Variants in MRPS27 observed in about 807,000 individuals in gnomAD.
MRPS27 encodes the protein small ribosomal subunit protein mS27.
A neutral mutation model predicts 48.9 loss-of-function variants in MRPS27; 43 were observed. The observed-to-expected ratio is 0.88, with a 90% CI of 0.69 to 1.13. The LOEUF is 1.13. MRPS27 is among the 50% of genes most tolerant of loss of function. MRPS27 has a pLI of 0.00. For synonymous variants in MRPS27, 188 were observed against 171.9 expected, an observed-to-expected ratio of 1.09 and a Z score of -0.73; for missense variants, 467 against 476.3, an observed-to-expected ratio of 0.98 and a Z score of 0.18.
At chr5:72,221,768 C>T (rs553912602) in intron 10 of MRPS27, among the ~76,000 whole-genome samples, 2 of 152,320 alleles carry the variant, frequency 1.3e-5, no homozygotes, top group East Asian at 1.9e-4. Flanking sequence ...CCGTTAGAAG[C>T]GTCTGCCTGC....
chr5:72,299,592 G>A (rs753384103), intron 2 of MRPS27, among the ~76,000 whole-genome samples: 31 of 152,210 alleles, frequency 2.0e-4, no homozygotes, highest in Non-Finnish European at 5.9e-5. Flanking sequence ...TACCTACCCT[G>A]AACAAATCAG....
At chr5:72,222,748 A>G (rs1462545674) in intron 10 of MRPS27, among the ~76,000 whole-genome samples, 1 of 152,182 alleles carries the variant, frequency 6.6e-6, no homozygotes, top group Admixed American at 6.5e-5. Flanking sequence ...TACCTTGGGA[A>G]TATCGATTAA....
At chr5:72,309,944 C>T (rs1456747429) in intron 2 of MRPS27, among the ~76,000 whole-genome samples, 1 of 152,112 alleles carries the variant, frequency 6.6e-6, no homozygotes, top group Non-Finnish European at 1.5e-5. Context: ...ACTTAATGGA[C>T]AGAAAACAGG....
intron 2 of MRPS27, among the ~76,000 whole-genome samples, chr5:72,313,115 C>T (rs1429194556): frequency 6.6e-6 from 1 of 152,188 alleles, no homozygotes; most frequent in Admixed American, 6.5e-5. Flanking sequence ...AGCTCTGCTT[C>T]AGCTGGCCTG....
intron 9 of MRPS27, 30 bp from the exon 10 acceptor site, chr5:72,223,880 A>G (rs753254378): frequency 1.2e-6 from 2 of 1,606,704 alleles, no homozygotes; most frequent in Non-Finnish European, 1.7e-6. Flanking sequence ...TCAGCAACCA[A>G]ATGTTTTATG....
chr5:72,308,512 G>C (rs1247876094), intron 2 of MRPS27, among the ~76,000 whole-genome samples: 1 of 152,172 alleles, frequency 6.6e-6, no homozygotes, highest in African/African-American at 2.4e-5. Context: ...CCCTGCGCGC[G>C]CACGCTACCC....
intron 4 of MRPS27, among the ~76,000 whole-genome samples, chr5:72,280,165 TTA>T (rs2112032119): frequency 6.6e-6 from 1 of 152,310 alleles, no homozygotes; most frequent in South Asian, 2.1e-4. Flanking sequence ...ACCAATCATT[TTA>T]TGTTAGTCTT....
At chr5:72,284,348 T>G (rs1749612000) in intron 4 of MRPS27, among the ~76,000 whole-genome samples, 1 of 149,038 alleles carries the variant, frequency 6.7e-6, no homozygotes, top group Non-Finnish European at 1.5e-5. Context: ...TGCCTGAGCC[T>G]GGGAAGTTGA....
At position 72,320,195 on chromosome 5, in the gene MRPS27, C is replaced by T. The variant is rs1397961281; in HGVS notation, c.27G>A (p.Gly9=). Residue 9 remains glycine (G), a synonymous_variant, in exon 1 of 11, where the codon GGG becomes GGA. Transcript: ENST00000261413. ...GAACCACTTGCCGCGCCAGGAGCATCCCGCGCCGCACTATGGAGGCAGCCA... is the reference window on the plus strand; with the variant it reads ...GAACCACTTGCCGCGCCAGGAGCATTCCGCGCCGCACTATGGAGGCAGCCA... MAASIVRR[G]MLLARQVVLP... is the part of the protein sequence containing the mutation. The T allele has an allele frequency of 5.6e-6, 9 of 1,613,822 alleles. No individual in the cohort carries two copies. The Middle Eastern group carries it at 4.9e-4, about 88-fold the overall frequency.
At chr5:72,281,585 T>C (rs1314021338) in intron 4 of MRPS27, among the ~76,000 whole-genome samples, 1 of 152,164 alleles carries the variant, frequency 6.6e-6, no homozygotes, top group Non-Finnish European at 1.5e-5. Flanking sequence ...GGGACAGGCC[T>C]TAAAACACAG....
At chr5:72,231,300 C>T (rs1748058877) in intron 7 of MRPS27, among the ~76,000 whole-genome samples, 1 of 152,086 alleles carries the variant, frequency 6.6e-6, no homozygotes, top group Admixed American at 6.6e-5. Flanking sequence ...ACTGTTCTTC[C>T]CCTCCTTAGC....
intron 2 of MRPS27, among the ~76,000 whole-genome samples, chr5:72,311,676 C>T (rs1175351950): frequency 6.6e-6 from 1 of 152,204 alleles, no homozygotes; most frequent in Non-Finnish European, 1.5e-5. Context: ...AGCAGGAAGG[C>T]TCTCACCAGA....
rs370366663 is a variant in MRPS27 at position 72,223,568 on chromosome 5, C to T, written c.1005+115G>A. ...GCAATAAAAATGTAATTTTTGATGTCAGTTTTTAATGCCTCTTTGTGTGAC... is the reference window on the plus strand; with the variant it reads ...GCAATAAAAATGTAATTTTTGATGTTAGTTTTTAATGCCTCTTTGTGTGAC... On this transcript the variant is annotated intron_variant, in intron 10 of 10. Transcript: ENST00000261413. 5.1e-4 allele frequency: 651 copies of T among 1,273,192 alleles called. 5 individuals are homozygous for T. In the African/African-American group the frequency reaches 8.6e-3, roughly 17 times the overall value. The allele number at this position is 1,273,192 out of a possible 1,614,324, so 78.9% of individuals were successfully genotyped here.
At chr5:72,260,019 T>A (rs1234617121) in intron 4 of MRPS27, among the ~76,000 whole-genome samples, 2 of 152,222 alleles carry the variant, frequency 1.3e-5, no homozygotes, top group African/African-American at 2.4e-5. Flanking sequence ...TCCTGCTTTT[T>A]CTATTGCAAT....
intron 4 of MRPS27, among the ~76,000 whole-genome samples, chr5:72,285,338 G>A (rs1457675816): frequency 6.6e-6 from 1 of 152,066 alleles, no homozygotes; most frequent in Non-Finnish European, 1.5e-5. Context: ...TTTTATAAAT[G>A]TTTGCTGATA....
intron 4 of MRPS27, chr5:72,241,569 C>T: frequency 7.2e-7 from 1 of 1,383,480 alleles, no homozygotes; most frequent in South Asian, 1.2e-5. Flanking sequence ...TTAAGCAGTT[C>T]AGACAAATAA....
chr5:72,257,953 A>G (rs915953131), intron 4 of MRPS27, among the ~76,000 whole-genome samples: 3 of 151,914 alleles, frequency 2.0e-5, no homozygotes, highest in Admixed American at 1.3e-4. Flanking sequence ...GTGTGGTGGC[A>G]GGCGCCTGTG....
At chr5:72,297,844 GA>G (rs1750021148) in intron 2 of MRPS27, 142 bp from the exon 3 acceptor site, 3 of 425,430 alleles carry the variant, frequency 7.1e-6, no homozygotes, top group Admixed American at 8.5e-5. Context: ...AATTAAAGAG[GA>G]AAAAAGAATA....
chr5:72,242,236 A>G (rs1355079430), intron 4 of MRPS27, among the ~76,000 whole-genome samples: 1 of 152,260 alleles, frequency 6.6e-6, no homozygotes, highest in South Asian at 2.1e-4. Flanking sequence ...GAAGCATCCT[A>G]TTCTCAAAAC....
Sources: allele counts gnomAD v4.1 joint callset (sites outside exome capture counted in the v4.1 genomes callset), GRCh38; gene constraint gnomAD v4.1.1; transcripts MANE v1.5; gene names NCBI Gene and HGNC (gene_info 2026-07-23, HGNC 2026-07-21).